LPCAT2: variants seen among roughly 807,000 people sequenced by gnomAD.
The protein encoded by LPCAT2 is 1-AGP acyltransferase 11.
LPCAT2 carries 58 observed loss-of-function variants against 64.7 expected under a neutral mutation model. The ratio of observed to expected loss-of-function variants is 0.90; its 90% CI spans 0.73 to 1.12. The LOEUF is 1.12. Ranked by LOEUF, LPCAT2 falls within the 50% of genes most tolerant of loss-of-function variation. The pLI, the probability that LPCAT2 is intolerant of heterozygous loss-of-function variation, is 0.00. For missense variants in LPCAT2, 579 were observed against 669.8 expected (o/e 0.86, Z 1.50); for synonymous variants, 252 against 245.3 (o/e 1.03, Z -0.26).
In LPCAT2 at chr16:55,528,193, T is replaced by A. The variant is rs145031142; in HGVS notation, c.312-184T>A. The stretch of plus-strand genomic sequence containing the variant: ...AGAGATTAATCTATATATAAAGCAT[T>A]TAGAATAGTGCCTAGCACCTGGCAG... On this transcript the variant is annotated intron_variant, in intron 2 of 13. Coordinates refer to ENST00000262134, the MANE Select transcript of LPCAT2 (RefSeq NM_017839.5). Among the ~76,000 whole-genome samples, 993 of 152,298 alleles carry A rather than the reference T, an allele frequency of 6.5e-3. 15 individuals are homozygous for A. Among genetic ancestry groups the A allele is most frequent in the African/African-American group, 0.023 (939 of 41,554 alleles).
chr16:55,563,158 C>T (rs1191145152), intron 11 of LPCAT2, among the ~76,000 whole-genome samples: 1 of 151,826 alleles, frequency 6.6e-6, no homozygotes, highest in Non-Finnish European at 1.5e-5. Flanking sequence ...CCTACACAAC[C>T]TACCAAGACT....
chr16:55,564,710 T>G (rs1963672841), intron 11 of LPCAT2, among the ~76,000 whole-genome samples: 1 of 151,884 alleles, frequency 6.6e-6, no homozygotes, highest in African/African-American at 2.4e-5. Flanking sequence ...GGATCAAAGA[T>G]CTAAACATAA....
At chr16:55,579,317 T>C in intron 13 of LPCAT2, 73 bp downstream of exon 13, 1 of 1,422,216 alleles carries the variant, frequency 7.0e-7, no homozygotes, top group East Asian at 2.3e-5. Context: ...TGCTCAAGAG[T>C]ACTGTTTCTC....
At chr16:55,552,121 C>T (rs1426038885) in intron 11 of LPCAT2, among the ~76,000 whole-genome samples, 2 of 152,072 alleles carry the variant, frequency 1.3e-5, no homozygotes, top group Non-Finnish European at 2.9e-5. Context: ...AGTTTTAAGT[C>T]CTGGCAGCCA....
chr16:55,565,672 T>C lies in LPCAT2; in HGVS notation c.1216-8959T>C, dbSNP rs553399440. Among the ~76,000 whole-genome samples the C allele has an allele frequency of 3.3e-5, 5 of 151,786 alleles. No homozygotes were observed. The South Asian group carries it at 1.0e-3, about 32-fold the overall frequency. On this transcript the variant is annotated intron_variant, in intron 11 of 13. Coordinates refer to ENST00000262134, the MANE Select transcript of LPCAT2 (RefSeq NM_017839.5). The stretch of plus-strand genomic sequence containing the variant: ...GTAGTCAAATCATAGAGCTAGAAAA[T>C]AGAGAGATGGTTACCAGGGGTGGGG...
intron 11 of LPCAT2, chr16:55,566,544 T>C: frequency 1.9e-6 from 1 of 532,108 alleles, no homozygotes; most frequent in Admixed American, 3.4e-5. Context: ...GAAAACAATT[T>C]TATTGAGGCC....
intron 3 of LPCAT2, among the ~76,000 whole-genome samples, chr16:55,529,103 T>TA (rs1963216260): frequency 6.6e-6 from 1 of 152,170 alleles, no homozygotes; most frequent in Non-Finnish European, 1.5e-5. Flanking sequence ...CTTCCTGCCA[T>TA]GAAAAATAAT....
rs187418648 is a variant in LPCAT2, at chr16:55,567,417, C to T, written c.1216-7214C>T. 2,059 of 1,613,842 alleles carry T rather than the reference C, an allele frequency of 1.3e-3. 1 individual carries two copies. The highest frequency in any genetic ancestry group is 1.5e-3 in the Non-Finnish European group (1,816 of 1,179,802). ...CTTGGTCCGCCTGGATGCCATGTTT[C>T]GTGCCTTCAAGTCTCTGGATAGAGA... is the stretch of plus-strand genomic sequence containing the variant. On this transcript the variant is annotated intron_variant, in intron 11 of 13. Transcript: ENST00000262134.
At chr16:55,568,304 T>C (rs1273272524) in intron 11 of LPCAT2, among the ~76,000 whole-genome samples, 1 of 152,228 alleles carries the variant, frequency 6.6e-6, no homozygotes, top group Non-Finnish European at 1.5e-5. Flanking sequence ...AAATCAGGCA[T>C]GCCCTGTTGA....
rs768810141 is a variant in LPCAT2, at chr16:55,583,083, C to T, written c.1620C>T (p.Asp540=). The T allele has an allele frequency of 5.6e-6, 9 of 1,609,042 alleles. No individual in the cohort carries two copies. The highest frequency in any genetic ancestry group is 5.5e-5 in the South Asian group (5 of 90,284). The change falls in exon 14 of 14, where the codon GAC becomes GAT. Residue 540 remains aspartate, a synonymous_variant. Coordinates refer to ENST00000262134, the MANE Select transcript of LPCAT2 (RefSeq NM_017839.5). Reference sequence around the variant, plus strand: ...AAAAGCATGAAGAGAGTACCTCAGACAAAAAAGATGACTGAAAGCAGTATT... The same window carrying T: ...AAAAGCATGAAGAGAGTACCTCAGATAAAAAAGATGACTGAAAGCAGTATT... ...SPEKHEESTS[D]KKDD
intron 11 of LPCAT2, chr16:55,567,067 T>C (rs758262634): frequency 1.5e-5 from 24 of 1,613,698 alleles, no homozygotes; most frequent in Non-Finnish European, 1.9e-5. Context: ...ATGAATATTC[T>C]CAACAAAGTC....
chr16:55,509,588 C>T (rs530048114), intron 1 of LPCAT2, among the ~76,000 whole-genome samples: 73 of 132,174 alleles, frequency 5.5e-4, no homozygotes, highest in African/African-American at 2.1e-3. Flanking sequence ...GTCCAGGTGA[C>T]TGGTGTAGGT....
intron 12 of LPCAT2, among the ~76,000 whole-genome samples, chr16:55,578,025 C>A (rs1963847156): frequency 6.6e-6 from 1 of 152,138 alleles, no homozygotes; most frequent in Non-Finnish European, 1.5e-5. Context: ...TTGGCCCTTA[C>A]CACTGTTAGC....
intron 11 of LPCAT2, chr16:55,567,077 C>G: frequency 6.2e-7 from 1 of 1,613,780 alleles, no homozygotes; most frequent in Non-Finnish European, 8.5e-7. Context: ...TCAACAAAGT[C>G]CTTTCTAAGC....
At position 55,509,236 on chromosome 16, in the gene LPCAT2, G is replaced by T. The variant is rs776239999; in HGVS notation, c.55G>T (p.Val19Phe). The change falls in exon 1 of 14, where the codon GTC (valine) becomes TTC (phenylalanine). Residue 19 changes from valine (V) to phenylalanine (F), a missense_variant. Physicochemically the swap from Val to Phe is conservative, Grantham distance 50. Coordinates refer to ENST00000262134, the MANE Select transcript of LPCAT2 (RefSeq NM_017839.5). ...EVAATVPGAG[V>F]GNVGLRPPMV... ...GGCGGCCACAGTGCCAGGTGCCGGC[G>T]TCGGGAACGTGGGGCTGCGGCCGCC... is the stretch of plus-strand genomic sequence containing the variant. 4.1e-6 allele frequency: 6 copies of T among 1,474,038 alleles called. No homozygotes were observed. The highest frequency in any genetic ancestry group is 5.4e-6 in the Non-Finnish European group (6 of 1,106,088). The allele number at this position is 1,474,038 out of a possible 1,614,324, so 91.3% of individuals were successfully genotyped here. A position where few individuals can be genotyped will look rare whatever the true frequency, so the allele number is the denominator to read the frequency against.
intron 11 of LPCAT2, among the ~76,000 whole-genome samples, chr16:55,573,160 A>C (rs1414828787): frequency 6.6e-6 from 1 of 152,220 alleles, no homozygotes; most frequent in Non-Finnish European, 1.5e-5. Context: ...GGTGAAAATG[A>C]TTCTTAACTT....
chr16:55,511,727 GATGGC>G (rs1962935004), intron 1 of LPCAT2, among the ~76,000 whole-genome samples: 4 of 152,146 alleles, frequency 2.6e-5, no homozygotes. Context: ...AAACCTTGAA[GATGGC>G]ACAGAAAAAA....
At chr16:55,556,640 G>C (rs200951663) in intron 11 of LPCAT2, among the ~76,000 whole-genome samples, 4 of 152,120 alleles carry the variant, frequency 2.6e-5, no homozygotes, top group South Asian at 2.1e-4. Flanking sequence ...TTAGGTGGGC[G>C]TGGTGGCTGA....
At chr16:55,556,095 G>A (rs1963571294) in intron 11 of LPCAT2, among the ~76,000 whole-genome samples, 2 of 152,184 alleles carry the variant, frequency 1.3e-5, no homozygotes, top group South Asian at 4.1e-4. Context: ...GATTACAGGT[G>A]TGAGTTACCA....
Sources: allele counts gnomAD v4.1 joint callset (sites outside exome capture counted in the v4.1 genomes callset), GRCh38; gene constraint gnomAD v4.1.1; transcripts MANE v1.5; gene names NCBI Gene and HGNC (gene_info 2026-07-23, HGNC 2026-07-21).